The following SPTBN1 variants were observed in gnomAD, a reference collection of about 807,000 sequenced individuals.
SPTBN1 encodes spectrin beta, non-erythrocytic 1.
In SPTBN1, 32 loss-of-function variants were observed where a neutral mutation model predicts 266.4. That is an observed-to-expected ratio of 0.12 (90% CI 0.09 to 0.16). The LOEUF is 0.16. Among genes scored for constraint, SPTBN1 ranks in the 10% least tolerant of loss-of-function variants. SPTBN1 has a pLI of 1.00. For missense variants in SPTBN1, 2,296 were observed against 3,067.1 expected (o/e 0.75, Z 5.94); for synonymous variants, 1,336 against 1,162.2 (o/e 1.15, Z -3.04).
chr2:54,643,306 G>C (rs868000047), intron 19 of SPTBN1, among the ~76,000 whole-genome samples, 177 bp downstream of exon 19: 2 of 152,064 alleles, frequency 1.3e-5, no homozygotes, highest in South Asian at 4.2e-4. Flanking sequence ...CCATCAAAAG[G>C]GAAAAAAGCA....
intron 2 of SPTBN1, among the ~76,000 whole-genome samples, chr2:54,594,867 T>C (rs1211298813): frequency 1.6e-5 from 2 of 127,848 alleles, no homozygotes; most frequent in Non-Finnish European, 3.2e-5. Context: ...AGAGTTTCGC[T>C]CTTGTTGCCA....
Position 54,599,104 on chromosome 2 carries a change from C to G in SPTBN1, c.161C>G (p.Ala54Gly). The change falls in exon 3 of 36, where the codon GCC becomes GGC. Residue 54 changes from alanine to glycine, a missense_variant. Physicochemically the swap from Ala to Gly is moderately conservative, Grantham distance 60. Coordinates refer to ENST00000356805, the MANE Select transcript of SPTBN1 (RefSeq NM_003128.3). ...RIKALADERE[A>G]VQKKTFTKWV... ...TCTCTGCTTGCAGATGAGCGTGAAG[C>G]CGTGCAGAAGAAGACCTTCACCAAG... The G allele has an allele frequency of 6.2e-7, 1 of 1,613,968 alleles. No homozygotes were observed. Among genetic ancestry groups the G allele is most frequent in the Non-Finnish European group, 8.5e-7 (1 of 1,179,946 alleles).
chr2:54,656,769 C>G (rs1031767966), intron 29 of SPTBN1, among the ~76,000 whole-genome samples: 2 of 152,184 alleles, frequency 1.3e-5, no homozygotes, highest in African/African-American at 4.8e-5. Flanking sequence ...CCTCAGAAAT[C>G]CCACTTTTTG....
intron 2 of SPTBN1, among the ~76,000 whole-genome samples, chr2:54,563,801 G>A (rs912064939): frequency 1.1e-4 from 16 of 151,620 alleles, no homozygotes; most frequent in Non-Finnish European, 8.8e-5. Flanking sequence ...ATGGGGTTTC[G>A]CCATATTGGC....
intron 1 of SPTBN1, among the ~76,000 whole-genome samples, chr2:54,481,393 TG>T (rs1558763850): frequency 1.7e-4 from 1 of 5,926 alleles, no homozygotes; most frequent in Non-Finnish European, 4.1e-4. Context: ...GAAACCTGAG[TG>T]TGTGTGTGTG....
intron 4 of SPTBN1, among the ~76,000 whole-genome samples, chr2:54,612,590 G>C (rs1200785984): frequency 6.6e-6 from 1 of 152,130 alleles, no homozygotes; most frequent in African/African-American, 2.4e-5. Context: ...AGCGGCCCAG[G>C]GGCTTCTAGG....
chr2:54,486,718 TAAAAAAAAATAATAAATTA>T (rs1453101729), intron 1 of SPTBN1, among the ~76,000 whole-genome samples: 25 of 138,566 alleles, frequency 1.8e-4, no homozygotes, highest in African/African-American at 6.3e-4. Flanking sequence ...AATGATCAAT[TAAAAAAAAATAATAAATTA>T]AAAAAAAAAA....
chr2:54,596,205 A>G (rs1021854492), intron 2 of SPTBN1, among the ~76,000 whole-genome samples: 40 of 151,998 alleles, frequency 2.6e-4, no homozygotes, highest in Admixed American at 2.6e-3. Context: ...TCCTCCTCAG[A>G]CTGTCTGGCC....
At position 54,664,671 on chromosome 2, in the gene SPTBN1, C is replaced by G; in HGVS notation, c.6639C>G (p.His2213Gln). The G allele has an allele frequency of 6.2e-7, 1 of 1,614,082 alleles. No individual in the cohort carries two copies. Among genetic ancestry groups the G allele is most frequent in the Non-Finnish European group, 8.5e-7 (1 of 1,179,996 alleles). Reference sequence around the variant, plus strand: ...ATCGGAAACACGAGTGGGAGGCCCACAATAAGAAAGCCTCAAGCAGGTAAC... The same window carrying G: ...ATCGGAAACACGAGTGGGAGGCCCAGAATAAGAAAGCCTCAAGCAGGTAAC... ...FLNRKHEWEA[H>Q]NKKASSRSWH... Residue 2213 changes from histidine (H) to glutamine (Q), a missense_variant, in exon 33 of 36, where the codon CAC (histidine) becomes CAG (glutamine). Physicochemically the swap from His to Gln is conservative, Grantham distance 24. This residue lies in a region of SPTBN1 where 347 missense variants were observed against 368.5 expected (regional missense o/e 0.94). Coordinates refer to ENST00000356805, the MANE Select transcript of SPTBN1 (RefSeq NM_003128.3). The surrounding 1 kb of genome is among the most constrained non-coding windows in gnomAD (Gnocchi z 5.6).
chr2:54,580,571 C>A (rs1011631476), intron 2 of SPTBN1, among the ~76,000 whole-genome samples: 2 of 149,002 alleles, frequency 1.3e-5, no homozygotes, highest in Non-Finnish European at 3.0e-5. Flanking sequence ...GATTATAATC[C>A]AAGTGTATTC....
intron 2 of SPTBN1, among the ~76,000 whole-genome samples, chr2:54,589,775 C>A (rs1409176489): frequency 3.3e-5 from 5 of 152,186 alleles, no homozygotes; most frequent in Non-Finnish European, 5.9e-5. Context: ...CAGCCAGCTG[C>A]CTGTTTCCGG....
At chr2:54,633,418 T>C (rs1254003349) in intron 17 of SPTBN1, among the ~76,000 whole-genome samples, 1 of 137,788 alleles carries the variant, frequency 7.3e-6, no homozygotes, top group East Asian at 2.1e-4. Flanking sequence ...CGTGTGTGTG[T>C]GTGTGTGCGT....
chr2:54,570,894 G>T (rs1182985373), intron 2 of SPTBN1, among the ~76,000 whole-genome samples: 1 of 151,628 alleles, frequency 6.6e-6, no homozygotes, highest in East Asian at 1.9e-4. Context: ...CCTATAGATT[G>T]CTAGCTTGAG....
intron 2 of SPTBN1, among the ~76,000 whole-genome samples, chr2:54,570,227 C>CT (rs1453920678): frequency 1.3e-5 from 2 of 152,154 alleles, no homozygotes; most frequent in Non-Finnish European, 2.9e-5. Context: ...TTGAAAGGCC[C>CT]TTCTTAGCCT....
intron 1 of SPTBN1, among the ~76,000 whole-genome samples, chr2:54,496,761 T>G (rs1332908181): frequency 6.6e-6 from 1 of 152,332 alleles, no homozygotes; most frequent in Non-Finnish European, 1.5e-5. Context: ...TACTTGACGC[T>G]GATTAAGGTA....
chr2:54,602,728 C>T lies in SPTBN1; in HGVS notation c.300+3485C>T, dbSNP rs79337558. Among the ~76,000 whole-genome samples the T allele has an allele frequency of 4.1e-3, 620 of 152,080 alleles. 2 individuals carry two copies. The highest frequency in any genetic ancestry group is 7.7e-3 in the Admixed American group (117 of 15,272). ...AGCAACAGAAAAGAGTGTGTGTGTG[C>T]GTGCATGTGTGTGTGTTTGTGTATG... is the stretch of plus-strand genomic sequence containing the variant. On this transcript the variant is annotated intron_variant, in intron 3 of 35. Transcript: ENST00000356805.
intron 1 of SPTBN1, among the ~76,000 whole-genome samples, chr2:54,506,830 G>C (rs1669586522): frequency 6.6e-6 from 1 of 151,708 alleles, no homozygotes; most frequent in African/African-American, 2.4e-5. Context: ...CCCTGGGCTG[G>C]GACTAGGGGT....
chr2:54,665,220 A>T (rs1385062741), intron 33 of SPTBN1, among the ~76,000 whole-genome samples: 1 of 152,240 alleles, frequency 6.6e-6, no homozygotes. Flanking sequence ...GTGCTTAACT[A>T]GTAAACCCAA....
intron 17 of SPTBN1, among the ~76,000 whole-genome samples, chr2:54,634,121 A>G (rs190195401): frequency 1.1e-3 from 160 of 152,284 alleles, no homozygotes; most frequent in African/African-American, 3.6e-3. Flanking sequence ...AAGATATCCT[A>G]TGTACTTCCA....
Sources: allele counts gnomAD v4.1 joint callset (sites outside exome capture counted in the v4.1 genomes callset), GRCh38; gene constraint gnomAD v4.1.1; regional missense constraint gnomAD v4.1.1; non-coding constraint Gnocchi (gnomAD v3.1); transcripts MANE v1.5; gene names NCBI Gene and HGNC (gene_info 2026-07-23, HGNC 2026-07-21).